The following MCF2L variants were observed in gnomAD, a reference collection of about 807,000 sequenced individuals.
MCF2L encodes guanine nucleotide exchange factor DBS.
MCF2L carries 97 observed loss-of-function variants against 153.4 expected under a neutral mutation model. The ratio of observed to expected loss-of-function variants is 0.63; its 90% CI spans 0.54 to 0.75. MCF2L has a LOEUF of 0.75. MCF2L is among the 30% of genes least tolerant of loss of function. The pLI, the probability that MCF2L is intolerant of heterozygous loss-of-function variation, is 0.00. For missense variants in MCF2L, 1,347 were observed against 1,495.2 expected, an observed-to-expected ratio of 0.90 and a Z score of 1.64; for synonymous variants, 659 against 632.2, an observed-to-expected ratio of 1.04 and a Z score of -0.64.
intron 26 of MCF2L, chr13:113,090,074 C>T (rs762077719): frequency 9.7e-5 from 151 of 1,555,852 alleles, no homozygotes; most frequent in Non-Finnish European, 1.2e-4. Context: ...ATAGATGACA[C>T]GGTCACTAGC....
chr13:112,979,269 C>T, intron 1 of MCF2L: 1 of 1,038,576 alleles, frequency 9.6e-7, no homozygotes, highest in Non-Finnish European at 1.2e-6. Context: ...CAAGGAGGTC[C>T]AGCCCACGCA....
In MCF2L at chr13:112,949,860, G is replaced by A. The variant is rs79767831; in HGVS notation, c.169+47489G>A. On this transcript the variant is annotated intron_variant, in intron 2 of 29. Coordinates refer to the MCF2L transcript ENST00000375608. Reference sequence around the variant, plus strand: ...CAAGGTAAGGTTGTCTGCCTTCATCGCTTTTATTCAACATTGTACTGGAAG... The same window carrying A: ...CAAGGTAAGGTTGTCTGCCTTCATCACTTTTATTCAACATTGTACTGGAAG... Among the ~76,000 whole-genome samples the A allele has an allele frequency of 7.8e-3, 1,181 of 152,046 alleles. 14 individuals carry two copies. The highest frequency in any genetic ancestry group is 0.027 in the African/African-American group (1,139 of 41,458).
intron 2 of MCF2L, among the ~76,000 whole-genome samples, chr13:112,962,710 C>G (rs1387697674): frequency 1.3e-5 from 2 of 152,216 alleles, no homozygotes; most frequent in African/African-American, 4.8e-5. Context: ...GGGACCTCCC[C>G]CCAGGCTCTG....
chr13:113,025,086 TTCACCAGGGTGGGG>T (rs2085153708), intron 3 of MCF2L, among the ~76,000 whole-genome samples: 1 of 103,360 alleles, frequency 9.7e-6, no homozygotes, highest in African/African-American at 4.0e-5. Flanking sequence ...CCTGTGAGAT[TTCACCAGGGTGGGG>T]TCCCTGCAAC....
intron 2 of MCF2L, among the ~76,000 whole-genome samples, chr13:113,021,406 G>C (rs1566748482): frequency 2.0e-5 from 3 of 152,178 alleles, no homozygotes. Flanking sequence ...TGCCCCTAGC[G>C]AGTGGATGTA....
chr13:112,911,735 A>C (rs963387720), intron 2 of MCF2L, among the ~76,000 whole-genome samples: 2 of 152,256 alleles, frequency 1.3e-5, no homozygotes, highest in Non-Finnish European at 2.9e-5. Flanking sequence ...CCGGGACCTC[A>C]CACGGATGCG....
chr13:112,953,887 A>G (rs1283234755), intron 2 of MCF2L, among the ~76,000 whole-genome samples: 1 of 152,036 alleles, frequency 6.6e-6, no homozygotes, highest in Non-Finnish European at 1.5e-5. Flanking sequence ...TGCTGTGGGC[A>G]CTCGCTGCCT....
chr13:113,016,956 C>T (rs1247526760), intron 2 of MCF2L, among the ~76,000 whole-genome samples: 2 of 152,234 alleles, frequency 1.3e-5, no homozygotes, highest in Non-Finnish European at 2.9e-5. Flanking sequence ...GAGCCATGTA[C>T]TGAGGGCTCA....
chr13:113,024,596 G>C (rs749255685), intron 2 of MCF2L, 48 bp from the exon 3 acceptor site: 7 of 1,285,038 alleles, frequency 5.4e-6, no homozygotes, highest in South Asian at 4.7e-5. Context: ...TGGAACCCCC[G>C]GGGGCATGGA....
At chr13:112,967,016 G>A (rs984652188), upstream of MCF2L, among the ~76,000 whole-genome samples, 8 of 152,200 alleles carry the variant, frequency 5.3e-5, no homozygotes, top group Non-Finnish European at 8.8e-5. Context: ...GAGAGCGGCC[G>A]GGAGAAGAGG....
chr13:113,017,760 C>T (rs1326200537), intron 2 of MCF2L, among the ~76,000 whole-genome samples: 2 of 152,208 alleles, frequency 1.3e-5, no homozygotes, highest in Non-Finnish European at 2.9e-5. Flanking sequence ...GGGCTGGGGT[C>T]CAGCTGGGTG....
intron 1 of MCF2L, among the ~76,000 whole-genome samples, chr13:112,999,680 C>T (rs933645850): frequency 6.6e-6 from 1 of 152,096 alleles, no homozygotes; most frequent in Non-Finnish European, 1.5e-5. Context: ...GTACATGTGT[C>T]CCAAGCCTGA....
At chr13:113,032,476 A>T (rs551454216) in intron 3 of MCF2L, among the ~76,000 whole-genome samples, 14 of 152,330 alleles carry the variant, frequency 9.2e-5, no homozygotes, top group Non-Finnish European at 1.5e-4. Flanking sequence ...ACAGCACAGG[A>T]CATGCCGCCT....
intron 2 of MCF2L, among the ~76,000 whole-genome samples, chr13:112,942,909 A>G (rs2081590918): frequency 6.6e-6 from 1 of 152,200 alleles, no homozygotes; most frequent in South Asian, 2.1e-4. Flanking sequence ...GCTGTTGGGC[A>G]GGAAAGGTGG....
At chr13:112,938,292 G>C (rs1231349625) in intron 2 of MCF2L, among the ~76,000 whole-genome samples, 1 of 151,140 alleles carries the variant, frequency 6.6e-6, no homozygotes, top group Non-Finnish European at 1.5e-5. Context: ...TGATGGGTTG[G>C]TTCAGGTGAG....
chr13:112,907,521 T>G lies in MCF2L; in HGVS notation c.169+5150T>G, dbSNP rs2081185356. Among the ~76,000 whole-genome samples, 1 of 152,094 alleles carries G rather than the reference T, an allele frequency of 6.6e-6. No individual in the cohort carries two copies. Among genetic ancestry groups the G allele is most frequent in the African/African-American group, 2.4e-5 (1 of 41,414 alleles). On this transcript the variant is annotated intron_variant, in intron 2 of 29. Transcript: ENST00000375608. This position sits in a 1 kb window ranked among gnomAD's most constrained non-coding sequence, Gnocchi z 5.1. Reference sequence around the variant, plus strand: ...GAGAATGGCTGAATCCTGGCAACTGTGGCCTTTGCAGGGGCTGTAGTTGTG... The same window carrying G: ...GAGAATGGCTGAATCCTGGCAACTGGGGCCTTTGCAGGGGCTGTAGTTGTG...
chr13:113,078,660 C>T lies in MCF2L; in HGVS notation c.1735-6C>T. The T allele has an allele frequency of 6.2e-7, 1 of 1,611,676 alleles. No individual in the cohort carries two copies. Among genetic ancestry groups the T allele is most frequent in the Non-Finnish European group, 8.5e-7 (1 of 1,179,428 alleles). On this transcript the variant is annotated splice_region_variant and splice_polypyrimidine_tract_variant and intron_variant, in intron 14 of 29. Coordinates refer to ENST00000535094, the MANE Select transcript of MCF2L (RefSeq NM_001112732.3). ...CTTTCAGACCTGACGCTGTTTTTCT[C>T]CCCAGAGTGAGATGAGTGAGAGCCG...
At chr13:112,976,520 G>T (rs1366604488) in intron 1 of MCF2L, among the ~76,000 whole-genome samples, 3 of 152,232 alleles carry the variant, frequency 2.0e-5, no homozygotes, top group Non-Finnish European at 4.4e-5. Flanking sequence ...GCGGCTCTGG[G>T]CTCGGCCTTC....
At chr13:112,963,204 G>A (rs1048579832) in intron 2 of MCF2L, among the ~76,000 whole-genome samples, 2 of 152,204 alleles carry the variant, frequency 1.3e-5, no homozygotes, top group African/African-American at 4.8e-5. Flanking sequence ...AGGGAATGCC[G>A]CTGTCTCTTC....
Sources: gnomAD v4.1 joint callset for allele counts (sites outside exome capture counted in the v4.1 genomes callset) on GRCh38, gnomAD v4.1.1 for gene constraint, Gnocchi (gnomAD v3.1) non-coding constraint, MANE v1.5 for transcripts, NCBI Gene and HGNC (gene_info 2026-07-23, HGNC 2026-07-21) for gene names.